The following CHAF1B variants were observed in gnomAD, a reference collection of about 807,000 sequenced individuals.
The protein encoded by CHAF1B is chromatin assembly factor 1 subunit B, also known as CAF-1 subunit B.
A neutral mutation model predicts 60.7 loss-of-function variants in CHAF1B; 10 were observed. The ratio of observed to expected loss-of-function variants is 0.16; its 90% CI spans 0.10 to 0.28. The LOEUF (loss-of-function observed/expected upper bound fraction) is 0.28, where lower values mean the gene tolerates loss of function less well. CHAF1B is among the 10% of genes least tolerant of loss of function. The pLI is 1.00. For synonymous variants in CHAF1B, 261 were observed against 266.1 expected (o/e 0.98, Z 0.19); for missense variants, 558 against 708.4 (o/e 0.79, Z 2.41).
At chr21:36,385,719 C>A (rs892702199) in intron 1 of CHAF1B, among the ~76,000 whole-genome samples, 1 of 152,054 alleles carries the variant, frequency 6.6e-6, no homozygotes, top group Non-Finnish European at 1.5e-5. Context: ...GTTTGGCCCC[C>A]TCTTCCGGGA....
intron 8 of CHAF1B, among the ~76,000 whole-genome samples, chr21:36,405,238 G>GA (rs1187292435): frequency 2.0e-5 from 3 of 152,010 alleles, no homozygotes; most frequent in Non-Finnish European, 2.9e-5. Context: ...TGTATTTCTA[G>GA]AAAATCCAAG....
At chr21:36,414,828 G>A (rs548421932) in intron 12 of CHAF1B, among the ~76,000 whole-genome samples, 1 of 152,222 alleles carries the variant, frequency 6.6e-6, no homozygotes, top group South Asian at 2.1e-4. Context: ...GGTCAAGCTG[G>A]TCGAAAACTC....
intron 3 of CHAF1B, among the ~76,000 whole-genome samples, chr21:36,390,304 G>A (rs144396944): frequency 0.099 from 14,371 of 144,540 alleles, 1,314 homozygotes; most frequent in African/African-American, 0.26. Context: ...TTGCACTCCA[G>A]CCTGGGCAAT....
chr21:36,389,185 C>T, intron 3 of CHAF1B: 1 of 153,102 alleles, frequency 6.5e-6, no homozygotes, highest in Non-Finnish European at 1.5e-5. Context: ...CTGGAGGGTG[C>T]TGGGGAGGGA....
intron 5 of CHAF1B, 88 bp downstream of exon 5, chr21:36,394,738 T>C: frequency 2.2e-6 from 2 of 918,642 alleles, no homozygotes; most frequent in Non-Finnish European, 3.2e-6. Context: ...AACTTTTTTT[T>C]TTTTTTTTTT....
intron 2 of CHAF1B, 40 bp from the exon 3 acceptor site, chr21:36,387,558 C>T (rs1328828122): frequency 1.9e-6 from 3 of 1,611,596 alleles, no homozygotes; most frequent in Non-Finnish European, 2.5e-6. Context: ...TAATATGTGC[C>T]CATTCTATGT....
At chr21:36,411,349 AG>A in intron 10 of CHAF1B, 113 bp from the exon 11 acceptor site, 3 of 1,267,970 alleles carry the variant, frequency 2.4e-6, no homozygotes, top group Non-Finnish European at 3.3e-6. Context: ...CCTGAGCTCA[AG>A]TGATCCACCC....
At chr21:36,395,887 A>T (rs61308860) in intron 5 of CHAF1B, among the ~76,000 whole-genome samples, 1 of 151,922 alleles carries the variant, frequency 6.6e-6, no homozygotes, top group African/African-American at 2.4e-5. Flanking sequence ...GTTGGCTGCC[A>T]CCGCAGCACT....
At chr21:36,414,666 C>T (rs1035382241) in intron 12 of CHAF1B, among the ~76,000 whole-genome samples, 8 of 152,066 alleles carry the variant, frequency 5.3e-5, no homozygotes, top group African/African-American at 9.7e-5. Context: ...GGCTGGAGTG[C>T]GATGGCATGC....
intron 6 of CHAF1B, among the ~76,000 whole-genome samples, 194 bp from the exon 7 acceptor site, chr21:36,399,327 C>G (rs532877701): frequency 6.6e-5 from 10 of 152,296 alleles, no homozygotes; most frequent in South Asian, 4.1e-4. Flanking sequence ...TGAGCTACCG[C>G]GCCCGGCCTG....
At position 36,418,990 on chromosome 21, in the gene CHAF1B, T is replaced by A. The variant is rs1248020188; in HGVS notation, c.*2624T>A. 1 of 152,132 alleles carries A rather than the reference T, an allele frequency of 6.6e-6. No individual in the cohort carries two copies. Among genetic ancestry groups the A allele is most frequent in the Non-Finnish European group, 1.5e-5 (1 of 68,046 alleles). 9.4% of individuals were successfully genotyped at this position (152,132 alleles called of 1,614,324 possible). ...ATCATCCTTAAATATAAATCAAAAT[T>A]GGCAATAAAAGACCAAGTGAAGTCA... On this transcript the variant is annotated 3_prime_UTR_variant, in exon 14 of 14. Coordinates refer to ENST00000314103, the MANE Select transcript of CHAF1B (RefSeq NM_005441.3).
intron 6 of CHAF1B, among the ~76,000 whole-genome samples, chr21:36,399,267 C>G (rs1263432285): frequency 6.6e-6 from 1 of 152,020 alleles, no homozygotes; most frequent in East Asian, 1.9e-4. Context: ...AACTCCTGAC[C>G]TCAAGTGATT....
In CHAF1B at chr21:36,418,332, C is replaced by T. The variant is rs1204323498; in HGVS notation, c.*1966C>T. On this transcript the variant is annotated 3_prime_UTR_variant, in exon 14 of 14. Transcript: ENST00000314103. ...CAGCCGAAAGCATTTTCTTGATTAT[C>T]TCTGCCCCGTCACTGATTGACATCC... 1.3e-5 allele frequency: 2 copies of T among 152,108 alleles called. No individual in the cohort carries two copies. Among genetic ancestry groups the T allele is most frequent in the Non-Finnish European group, 2.9e-5 (2 of 68,122 alleles). The allele number at this position is 152,108 out of a possible 1,614,324, so 9.4% of individuals were successfully genotyped here. A position where few individuals can be genotyped will look rare whatever the true frequency, so the allele number is the denominator to read the frequency against.
intron 6 of CHAF1B, 187 bp downstream of exon 6, chr21:36,397,698 C>A: frequency 9.5e-6 from 3 of 316,074 alleles, no homozygotes; most frequent in East Asian, 5.1e-5. Flanking sequence ...GTGCCTTACA[C>A]GAAGTTTGTA....
In CHAF1B at chr21:36,418,173, C is replaced by T. The variant is rs1053436769; in HGVS notation, c.*1807C>T. ...GGATTACAGGCACCCGCCACCACGC[C>T]CGGCTAATTTTTGTATTTTTAGTAG... On this transcript the variant is annotated 3_prime_UTR_variant, in exon 14 of 14. Coordinates refer to ENST00000314103, the MANE Select transcript of CHAF1B (RefSeq NM_005441.3). The T allele has an allele frequency of 2.0e-5, 3 of 152,138 alleles. No homozygotes were observed. The highest frequency in any genetic ancestry group is 7.2e-5 in the African/African-American group (3 of 41,400). 9.4% of individuals were successfully genotyped at this position (152,138 alleles called of 1,614,324 possible). A position where few individuals can be genotyped will look rare whatever the true frequency, so the allele number is the denominator to read the frequency against.
At chr21:36,408,697 G>A in intron 8 of CHAF1B, 64 bp from the exon 9 acceptor site, 1 of 1,173,352 alleles carries the variant, frequency 8.5e-7, no homozygotes, top group Non-Finnish European at 1.3e-6. Context: ...TTGAGTTTCT[G>A]TTGGTGAACA....
In CHAF1B at chr21:36,417,332, T is replaced by A. The variant is rs1266641928; in HGVS notation, c.*966T>A. The A allele has an allele frequency of 1.4e-5, 2 of 144,798 alleles. No individual in the cohort carries two copies. The highest frequency in any genetic ancestry group is 5.2e-5 in the African/African-American group (2 of 38,724). 9.0% of individuals were successfully genotyped at this position (144,798 alleles called of 1,614,324 possible). ...CAAGTATGTGTGTATATATATATTT[T>A]TTTTCTTTTTTTTTTGAGATGGAGT... On this transcript the variant is annotated 3_prime_UTR_variant, in exon 14 of 14. Transcript: ENST00000314103.
At chr21:36,407,226 C>G (rs2086245041) in intron 8 of CHAF1B, among the ~76,000 whole-genome samples, 1 of 151,776 alleles carries the variant, frequency 6.6e-6, no homozygotes, top group Non-Finnish European at 1.5e-5. Flanking sequence ...CGCTCCAACC[C>G]AGGAGGCAGA....
chr21:36,391,027 T>A (rs181440272), intron 3 of CHAF1B, among the ~76,000 whole-genome samples: 1 of 152,332 alleles, frequency 6.6e-6, no homozygotes, highest in Admixed American at 6.5e-5. Flanking sequence ...GTTTCTGAGC[T>A]AGGAACATTT....
Sources: allele counts gnomAD v4.1 joint callset (sites outside exome capture counted in the v4.1 genomes callset), GRCh38; gene constraint gnomAD v4.1.1; transcripts MANE v1.5; gene names NCBI Gene and HGNC (gene_info 2026-07-23, HGNC 2026-07-21).